Variants in SLC44A5 observed in about 807,000 individuals in gnomAD.
The protein encoded by SLC44A5 is choline transporter-like protein 5.
In SLC44A5, 57 loss-of-function variants were observed where a neutral mutation model predicts 101.8. The observed-to-expected ratio is 0.56, with a 90% CI of 0.45 to 0.70. SLC44A5 has a LOEUF of 0.70. Ranked by LOEUF, SLC44A5 falls within the 30% of genes least tolerant of loss-of-function variation. The pLI, the probability that SLC44A5 is intolerant of heterozygous loss-of-function variation, is 0.00. For synonymous variants in SLC44A5, 281 were observed against 290.9 expected (o/e 0.97, Z 0.35); for missense variants, 737 against 853.1 (o/e 0.86, Z 1.70).
intron 23 of SLC44A5, among the ~76,000 whole-genome samples, chr1:75,208,404 C>G (rs369638309): frequency 6.6e-6 from 1 of 152,182 alleles, no homozygotes; most frequent in African/African-American, 2.4e-5. Flanking sequence ...AGTGATCTGC[C>G]GGCCTCGGCC....
intron 13 of SLC44A5, among the ~76,000 whole-genome samples, chr1:75,227,249 T>C (rs1036378185): frequency 3.2e-4 from 49 of 152,180 alleles, no homozygotes; most frequent in African/African-American, 1.1e-3. Context: ...TCTGTGGTCC[T>C]AGCTACTTGG....
chr1:75,633,490 T>C, the SLC44A5 span, among the ~76,000 whole-genome samples: 1 of 152,206 alleles, frequency 6.6e-6, no homozygotes, highest in Non-Finnish European at 1.5e-5. Context: ...CAATTGCGAA[T>C]GGGAGTTTAC....
At chr1:75,473,234 C>G (rs767434004) in intron 2 of SLC44A5, among the ~76,000 whole-genome samples, 9 of 152,176 alleles carry the variant, frequency 5.9e-5, no homozygotes, top group Middle Eastern at 3.2e-3. Flanking sequence ...GAGGGAGCAA[C>G]ACTTTGCATA....
intron 2 of SLC44A5, among the ~76,000 whole-genome samples, chr1:75,433,972 C>T (rs1441482589): frequency 1.3e-5 from 2 of 152,052 alleles, no homozygotes; most frequent in Admixed American, 6.6e-5. Flanking sequence ...TTATTCACTG[C>T]CCCGAGAATA....
chr1:75,241,690 C>CAT (rs2100603588), intron 9 of SLC44A5, among the ~76,000 whole-genome samples: 1 of 152,132 alleles, frequency 6.6e-6, no homozygotes, highest in Non-Finnish European at 1.5e-5. Context: ...TGTATATGAG[C>CAT]ATATCTGTGT....
chr1:75,394,932 A>G (rs1249802047), intron 3 of SLC44A5, among the ~76,000 whole-genome samples: 1 of 152,054 alleles, frequency 6.6e-6, no homozygotes, highest in East Asian at 1.9e-4. Flanking sequence ...TGCAAAACCA[A>G]CAGTTCCTCC....
chr1:75,692,480 C>T, the SLC44A5 span, among the ~76,000 whole-genome samples: 1 of 152,116 alleles, frequency 6.6e-6, no homozygotes, highest in East Asian at 1.9e-4. Flanking sequence ...CAGGCATGAG[C>T]CACCGCAGCC....
intron 4 of SLC44A5, among the ~76,000 whole-genome samples, chr1:75,337,716 G>A (rs770321450): frequency 6.6e-6 from 1 of 152,160 alleles, no homozygotes; most frequent in Non-Finnish European, 1.5e-5. Flanking sequence ...ATGAGACACT[G>A]AGTTCACCTC....
upstream of SLC44A5, among the ~76,000 whole-genome samples, chr1:75,611,700 AC>A (rs1180935492): frequency 2.6e-5 from 4 of 152,170 alleles, no homozygotes; most frequent in African/African-American, 9.7e-5. Context: ...GCATAAAAGT[AC>A]CCTGGTTTAA....
chr1:75,703,690 C>T, the SLC44A5 span, among the ~76,000 whole-genome samples: 2 of 151,648 alleles, frequency 1.3e-5, no homozygotes, highest in South Asian at 4.2e-4. Context: ...TGAAAATGCA[C>T]TCCTCAGAGA....
At chr1:75,645,683 T>C in the SLC44A5 span, among the ~76,000 whole-genome samples, 2 of 147,264 alleles carry the variant, frequency 1.4e-5, no homozygotes, top group African/African-American at 4.9e-5. Context: ...GTTGGTGTTT[T>C]AGACATGAAG....
chr1:75,660,520 A>G, the SLC44A5 span, among the ~76,000 whole-genome samples: 77,227 of 151,998 alleles, frequency 0.51, 20,856 homozygotes, highest in Middle Eastern at 0.64. Context: ...ACTTGGAAAG[A>G]AAGAAGTCAA....
At chr1:75,225,652 T>C (rs1647180432) in intron 13 of SLC44A5, among the ~76,000 whole-genome samples, 2 of 152,210 alleles carry the variant, frequency 1.3e-5, no homozygotes. Flanking sequence ...CTCTGCCTAC[T>C]TTCAGTGTTT....
intron 3 of SLC44A5, among the ~76,000 whole-genome samples, chr1:75,374,787 C>T (rs796076891): frequency 6.6e-6 from 1 of 152,162 alleles, no homozygotes; most frequent in Non-Finnish European, 1.5e-5. Flanking sequence ...TCTAAAAGCA[C>T]ATAGAAATGA....
chr1:75,629,284 AG>A, the SLC44A5 span, among the ~76,000 whole-genome samples: 1 of 152,288 alleles, frequency 6.6e-6, no homozygotes, highest in East Asian at 1.9e-4. Flanking sequence ...AAATATGGAA[AG>A]GGAAACATAA....
intron 2 of SLC44A5, among the ~76,000 whole-genome samples, chr1:75,503,204 T>G (rs1669062112): frequency 6.6e-6 from 1 of 152,164 alleles, no homozygotes; most frequent in African/African-American, 2.4e-5. Context: ...TTCTCCTGGA[T>G]AGTGTTAATA....
At chr1:75,648,287 C>T in the SLC44A5 span, among the ~76,000 whole-genome samples, 1 of 152,134 alleles carries the variant, frequency 6.6e-6, no homozygotes, top group East Asian at 1.9e-4. Context: ...TTTCCTAAGG[C>T]CTCCACAGCC....
intron 2 of SLC44A5, among the ~76,000 whole-genome samples, chr1:75,404,648 G>C (rs1662728743): frequency 6.6e-6 from 1 of 152,186 alleles, no homozygotes; most frequent in African/African-American, 2.4e-5. Context: ...AGCAAATGCT[G>C]AGAAGTTTTG....
chr1:75,261,797 C>T (rs1650531875), intron 6 of SLC44A5, among the ~76,000 whole-genome samples: 1 of 152,088 alleles, frequency 6.6e-6, no homozygotes, highest in Admixed American at 6.5e-5. Flanking sequence ...TCCTGCAGCA[C>T]ATCAAAAAGC....
Sources: allele counts gnomAD v4.1 joint callset (sites outside exome capture counted in the v4.1 genomes callset), GRCh38; gene constraint gnomAD v4.1.1; transcripts MANE v1.5; gene names NCBI Gene and HGNC (gene_info 2026-07-23, HGNC 2026-07-21).